The following DICER1 variants were observed in gnomAD, a reference collection of about 807,000 sequenced individuals.
DICER1 encodes dicer 1, ribonuclease III.
DICER1 carries 43 observed loss-of-function variants against 194.1 expected under a neutral mutation model. That is an observed-to-expected ratio of 0.22 (90% CI 0.17 to 0.29). The LOEUF is 0.29. Among genes scored for constraint, DICER1 ranks in the 10% least tolerant of loss-of-function variants. DICER1 has a pLI of 1.00. For synonymous variants in DICER1, 832 were observed against 820.5 expected (o/e 1.01, Z -0.24); for missense variants, 1,608 against 2,317.0 (o/e 0.69, Z 6.28).
In DICER1 at chr14:95,099,858, G is replaced by T; in HGVS notation, c.4128C>A (p.Pro1376=). Reference sequence around the variant, plus strand: ...AACCAGGAGGAAGCCAATTCACAGGGGGATCAAATATTGACACCACCATGC... The same window carrying T: ...AACCAGGAGGAAGCCAATTCACAGGTGGATCAAATATTGACACCACCATGC... ...PSRMVVSIFD[P]PVNWLPPGYV... is the part of the protein sequence containing the mutation. The change falls in exon 22 of 27, where the codon CCC becomes CCA. Residue 1376 remains proline, a synonymous_variant. Transcript: ENST00000343455. The T allele has an allele frequency of 6.2e-7, 1 of 1,613,834 alleles. No individual in the cohort carries two copies. Among genetic ancestry groups the T allele is most frequent in the Non-Finnish European group, 8.5e-7 (1 of 1,179,968 alleles).
intron 2 of DICER1, 107 bp from the exon 3 acceptor site, chr14:95,132,784 C>T: frequency 8.8e-7 from 1 of 1,135,778 alleles, no homozygotes; most frequent in Non-Finnish European, 1.3e-6. Context: ...CTAAAATCGT[C>T]CTCCAATAAA....
chr14:95,137,268 T>A (rs1355297584), intron 1 of DICER1, among the ~76,000 whole-genome samples: 47 of 66,596 alleles, frequency 7.1e-4, no homozygotes, highest in Middle Eastern at 0.028. Context: ...AAAAGGAAAA[T>A]GGAAAGGGGA....
rs373746475 is a variant in DICER1, at chr14:95,117,763, A to G, written c.1377-9T>C. On this transcript the variant is annotated splice_polypyrimidine_tract_variant and intron_variant, in intron 8 of 26. Transcript: ENST00000343455. ...CAGCTTCCTTTATCAATCTAAGAAAATTATACACATTTGGAAGTTAAACGT... is the reference window on the plus strand; with the variant it reads ...CAGCTTCCTTTATCAATCTAAGAAAGTTATACACATTTGGAAGTTAAACGT... 3.1e-6 allele frequency: 5 copies of G among 1,613,460 alleles called. No homozygotes were observed. The highest frequency in any genetic ancestry group is 4.2e-6 in the Non-Finnish European group (5 of 1,179,608).
At chr14:95,155,702 GACTA>G (rs1171449007) in intron 1 of DICER1, among the ~76,000 whole-genome samples, 8 of 152,174 alleles carry the variant, frequency 5.3e-5, no homozygotes, top group Admixed American at 1.3e-4. Context: ...AATTAAAATG[GACTA>G]ACTGTTCTCT....
chr14:95,124,765 C>T lies in DICER1; in HGVS notation c.904-97G>A, dbSNP rs1893263636. 9.4e-7 allele frequency: 1 copy of T among 1,062,736 alleles called. No homozygotes were observed. The allele number at this position is 1,062,736 out of a possible 1,614,324, so 65.8% of individuals were successfully genotyped here. ...TGGGATTTCAGTTGTTCTCAAATGG[C>T]TCCTTAAATGTAACCCAGCCTTAGG... On this transcript the variant is annotated intron_variant, in intron 7 of 26. Coordinates refer to ENST00000343455, the MANE Select transcript of DICER1 (RefSeq NM_177438.3). The surrounding 1 kb of genome is among the most constrained non-coding windows in gnomAD (Gnocchi z 4.5).
At chr14:95,131,465 A>G in intron 4 of DICER1, 44 bp downstream of exon 4, 1 of 1,589,508 alleles carries the variant, frequency 6.3e-7, no homozygotes, top group Non-Finnish European at 8.6e-7. Flanking sequence ...CCAAGTCAAG[A>G]ACTTGTAGGG....
intron 1 of DICER1, among the ~76,000 whole-genome samples, chr14:95,140,139 G>C (rs1020990071): frequency 2.6e-5 from 4 of 152,138 alleles, no homozygotes; most frequent in Non-Finnish European, 5.9e-5. Context: ...AACTCCACAT[G>C]ACTGTTTTTC....
At chr14:95,156,815 G>C (rs535545117) in intron 1 of DICER1, among the ~76,000 whole-genome samples, 1 of 152,136 alleles carries the variant, frequency 6.6e-6, no homozygotes, top group Non-Finnish European at 1.5e-5. Flanking sequence ...GAGGGCCCCA[G>C]GGTGCTCCGG....
chr14:95,089,200 GTT>G lies in DICER1; in HGVS notation c.*1296_*1297del, dbSNP rs578164776. 3.3e-5 allele frequency: 7 copies of G among 210,190 alleles called. No individual in the cohort carries two copies. The highest frequency in any genetic ancestry group is 1.9e-4 in the South Asian group (1 of 5,164). 13.0% of individuals were successfully genotyped at this position (210,190 alleles called of 1,614,324 possible). A position where few individuals can be genotyped will look rare whatever the true frequency, so the allele number is the denominator to read the frequency against. ...GAAACTTAGGCAAATGCCTAAAGAA[GTT>G]TTTTTTTTTTTCCTTTTCCAAAGAT... On this transcript the variant is annotated 3_prime_UTR_variant, in exon 27 of 27. Coordinates refer to ENST00000343455, the MANE Select transcript of DICER1 (RefSeq NM_177438.3).
At position 95,112,974 on chromosome 14, in the gene DICER1, T is replaced by C. The variant is rs1892107222; in HGVS notation, c.2040+118A>G. 10 of 1,094,188 alleles carry C rather than the reference T, an allele frequency of 9.1e-6. No individual in the cohort carries two copies. The East Asian group carries it at 2.2e-4, about 24-fold the overall frequency. The allele number at this position is 1,094,188 out of a possible 1,614,324, so 67.8% of individuals were successfully genotyped here. A position where few individuals can be genotyped will look rare whatever the true frequency, so the allele number is the denominator to read the frequency against. ...TGGTCTGTCAACACAAGGCTCCTGCTCATGAAAGTAGATTTTAAAATCAAA... is the reference window on the plus strand; with the variant it reads ...TGGTCTGTCAACACAAGGCTCCTGCCCATGAAAGTAGATTTTAAAATCAAA... On this transcript the variant is annotated intron_variant, in intron 12 of 26. Coordinates refer to ENST00000343455, the MANE Select transcript of DICER1 (RefSeq NM_177438.3).
At chr14:95,098,731 A>G (rs985627561) in intron 22 of DICER1, among the ~76,000 whole-genome samples, 1 of 152,250 alleles carries the variant, frequency 6.6e-6, no homozygotes, top group African/African-American at 2.4e-5. Flanking sequence ...AAGGTTCTAC[A>G]TATTTCTAAA....
chr14:95,130,394 G>GA (rs1265779280), intron 4 of DICER1, among the ~76,000 whole-genome samples: 5 of 152,148 alleles, frequency 3.3e-5, no homozygotes, highest in Non-Finnish European at 7.4e-5. Context: ...AAAGAGTAGA[G>GA]AAAAAATATC....
chr14:95,117,902 A>G (rs1023311123), intron 8 of DICER1, 148 bp from the exon 9 acceptor site: 9 of 713,020 alleles, frequency 1.3e-5, no homozygotes, highest in African/African-American at 5.4e-5. Flanking sequence ...CAACTTGCTT[A>G]AACAGAAATC....
At chr14:95,139,441 T>C (rs1009148672) in intron 1 of DICER1, among the ~76,000 whole-genome samples, 5 of 152,208 alleles carry the variant, frequency 3.3e-5, no homozygotes, top group Non-Finnish European at 7.3e-5. Flanking sequence ...CTGAGTGACA[T>C]TAAAACCTCA....
Position 95,107,173 on chromosome 14 carries a change from CCTGA to C in DICER1, c.2804+431_2804+434del, listed in dbSNP as rs371929951. ...TGTGATTACAGCACGCATCACCATG[CCTGA>C]CTGACTAATATATTTCCTATTAGTA... On this transcript the variant is annotated intron_variant, in intron 17 of 26. Transcript: ENST00000343455. Among the ~76,000 whole-genome samples, 147 of 152,196 alleles carry C rather than the reference CCTGA, an allele frequency of 9.7e-4. 1 individual carries two copies. Among genetic ancestry groups the C allele is most frequent in the Non-Finnish European group, 1.3e-3 (90 of 68,014 alleles).
intron 8 of DICER1, among the ~76,000 whole-genome samples, chr14:95,123,054 T>G (rs559406152): frequency 6.6e-6 from 1 of 152,174 alleles, no homozygotes; most frequent in South Asian, 2.1e-4. Flanking sequence ...AAGTTAGGGA[T>G]CAACTGTGGC....
chr14:95,104,423 A>G (rs1020252474), intron 20 of DICER1, among the ~76,000 whole-genome samples: 10 of 152,132 alleles, frequency 6.6e-5, no homozygotes, highest in Non-Finnish European at 1.3e-4. Flanking sequence ...AATCCCAGGC[A>G]CTCTGGTTAA....
At chr14:95,108,627 C>T (rs1348541746) in intron 14 of DICER1, 124 bp from the exon 15 acceptor site, 2 of 902,772 alleles carry the variant, frequency 2.2e-6, no homozygotes, top group Non-Finnish European at 3.6e-6. Context: ...TAAGAAAATA[C>T]CCGAGGCATG....
chr14:95,102,935 T>C (rs73329774), intron 21 of DICER1, among the ~76,000 whole-genome samples: 5,351 of 152,284 alleles, frequency 0.035, 340 homozygotes, highest in African/African-American at 0.12. Flanking sequence ...CATGTCTGTA[T>C]GCCTTGTAAG....
Sources: allele counts gnomAD v4.1 joint callset (sites outside exome capture counted in the v4.1 genomes callset), GRCh38; gene constraint gnomAD v4.1.1; non-coding constraint Gnocchi (gnomAD v3.1); transcripts MANE v1.5; gene names NCBI Gene and HGNC (gene_info 2026-07-23, HGNC 2026-07-21).